The following CDC42SE2 variants were observed in gnomAD, a reference collection of about 807,000 sequenced individuals.
CDC42SE2 encodes the protein CDC42 small effector protein 2.
CDC42SE2 carries 3 observed loss-of-function variants against 11.5 expected under a neutral mutation model. The ratio of observed to expected loss-of-function variants is 0.26; its 90% CI spans 0.12 to 0.67. The LOEUF (loss-of-function observed/expected upper bound fraction) is 0.67. Among genes scored for constraint, CDC42SE2 ranks in the 30% least tolerant of loss-of-function variants. The probability of loss-of-function intolerance (pLI) is 0.80; values close to 1 mark genes in which losing one functional copy is unlikely to be tolerated. For synonymous variants in CDC42SE2, 33 were observed against 34.8 expected, an observed-to-expected ratio of 0.95 and a Z score of 0.18; for missense variants, 82 against 106.8, an observed-to-expected ratio of 0.77 and a Z score of 1.02.
At chr5:131,285,401 C>CTATA (rs1248915055) in intron 1 of CDC42SE2, among the ~76,000 whole-genome samples, 1 of 152,054 alleles carries the variant, frequency 6.6e-6, no homozygotes, top group Non-Finnish European at 1.5e-5. Flanking sequence ...TGTTAATATT[C>CTATA]TATATTGATT....
the CDC42SE2 span, among the ~76,000 whole-genome samples, chr5:131,225,119 G>A: frequency 1.3e-5 from 2 of 152,128 alleles, no homozygotes; most frequent in Non-Finnish European, 2.9e-5. Context: ...AAATCGAAGT[G>A]GTGGCCCAGA....
intron 2 of CDC42SE2, among the ~76,000 whole-genome samples, chr5:131,326,897 C>T (rs1336497209): frequency 6.6e-6 from 1 of 152,074 alleles, no homozygotes; most frequent in Non-Finnish European, 1.5e-5. Context: ...GGCATGAGAC[C>T]ATGGTTGGCC....
chr5:131,275,149 A>T (rs1479273668), intron 1 of CDC42SE2, among the ~76,000 whole-genome samples: 1 of 152,168 alleles, frequency 6.6e-6, no homozygotes, highest in Non-Finnish European at 1.5e-5. Context: ...AATAAAGAAA[A>T]GGAAAACCTG....
intron 2 of CDC42SE2, among the ~76,000 whole-genome samples, chr5:131,334,268 A>G (rs899466001): frequency 6.6e-6 from 1 of 152,148 alleles, no homozygotes; most frequent in Non-Finnish European, 1.5e-5. Flanking sequence ...GATTACGTTT[A>G]TTGATTTGCA....
intron 2 of CDC42SE2, among the ~76,000 whole-genome samples, chr5:131,350,374 A>G (rs1444016167): frequency 1.3e-5 from 2 of 151,974 alleles, no homozygotes; most frequent in East Asian, 3.8e-4. Context: ...TAAACTGTGA[A>G]ATATTACCTA....
intron 1 of CDC42SE2, among the ~76,000 whole-genome samples, chr5:131,304,630 A>G (rs574650024): frequency 1.3e-5 from 2 of 152,330 alleles, no homozygotes; most frequent in African/African-American, 4.8e-5. Context: ...TGAATTAACA[A>G]TGTTGAAATC....
upstream of CDC42SE2, among the ~76,000 whole-genome samples, chr5:131,259,601 G>C (rs979626811): frequency 6.6e-6 from 1 of 152,162 alleles, no homozygotes; most frequent in African/African-American, 2.4e-5. Context: ...CACAGAACTG[G>C]TGGTTTCTTC....
chr5:131,294,378 G>T (rs1440319889), intron 1 of CDC42SE2, among the ~76,000 whole-genome samples: 1 of 152,204 alleles, frequency 6.6e-6, no homozygotes, highest in African/African-American at 2.4e-5. Context: ...GGAAAGGTAT[G>T]TTGTCCCTTT....
intron 2 of CDC42SE2, among the ~76,000 whole-genome samples, chr5:131,349,098 A>G (rs190251206): frequency 7.5e-4 from 114 of 152,304 alleles, no homozygotes; most frequent in South Asian, 6.4e-3. Flanking sequence ...TTCATGACTA[A>G]AACACCAAAA....
intron 1 of CDC42SE2, among the ~76,000 whole-genome samples, chr5:131,304,098 C>A (rs1757735577): frequency 6.6e-6 from 1 of 151,838 alleles, no homozygotes; most frequent in Non-Finnish European, 1.5e-5. Flanking sequence ...TAGCTGGGAC[C>A]ACAGGCATGC....
intron 1 of CDC42SE2, among the ~76,000 whole-genome samples, chr5:131,298,334 C>G (rs1462950205): frequency 6.6e-6 from 1 of 151,662 alleles, no homozygotes; most frequent in East Asian, 1.9e-4. Flanking sequence ...CTTGAACTCC[C>G]GAACTCAGGT....
At chr5:131,311,069 G>A (rs1757897525) in intron 1 of CDC42SE2, among the ~76,000 whole-genome samples, 1 of 151,742 alleles carries the variant, frequency 6.6e-6, no homozygotes, top group Non-Finnish European at 1.5e-5. Context: ...TGATTTTGCA[G>A]CGGCTGGTAC....
intron 1 of CDC42SE2, among the ~76,000 whole-genome samples, chr5:131,266,926 G>A (rs1756877962): frequency 6.9e-6 from 1 of 145,148 alleles, no homozygotes; most frequent in African/African-American, 2.6e-5. Context: ...AGTAAATAAG[G>A]TGTGATGTGT....
At chr5:131,336,234 G>C (rs1359188434) in intron 2 of CDC42SE2, among the ~76,000 whole-genome samples, 1 of 152,148 alleles carries the variant, frequency 6.6e-6, no homozygotes, top group Non-Finnish European at 1.5e-5. Context: ...ATGAAGCTTA[G>C]TTTGGCTGGA....
chr5:131,217,729 A>G, the CDC42SE2 span, among the ~76,000 whole-genome samples: 1 of 152,256 alleles, frequency 6.6e-6, no homozygotes, highest in African/African-American at 2.4e-5. Context: ...CAGTTGAACT[A>G]CATTAAACTT....
chr5:131,277,676 T>A (rs1290964947), intron 1 of CDC42SE2, among the ~76,000 whole-genome samples: 1 of 152,204 alleles, frequency 6.6e-6, no homozygotes, highest in Non-Finnish European at 1.5e-5. Context: ...TTACACTGGT[T>A]GTTTCCTTTG....
upstream of CDC42SE2, among the ~76,000 whole-genome samples, chr5:131,260,973 A>AG (rs1756720313): frequency 1.3e-5 from 2 of 152,260 alleles, no homozygotes; most frequent in Non-Finnish European, 2.9e-5. Flanking sequence ...GTATACTTTT[A>AG]GGGAAAATCC....
chr5:131,317,887 T>A (rs1758073462), intron 2 of CDC42SE2, among the ~76,000 whole-genome samples: 5 of 152,058 alleles, frequency 3.3e-5, no homozygotes, highest in Admixed American at 3.3e-4. Flanking sequence ...CTTGATCGAT[T>A]CTGATGAAAA....
chr5:131,218,966 A>G, the CDC42SE2 span, among the ~76,000 whole-genome samples: 1 of 152,236 alleles, frequency 6.6e-6, no homozygotes, highest in African/African-American at 2.4e-5. Context: ...TATGTCTTAG[A>G]AGCCAAGATA....
Sources: allele counts gnomAD v4.1 joint callset (sites outside exome capture counted in the v4.1 genomes callset), GRCh38; gene constraint gnomAD v4.1.1; transcripts MANE v1.5; gene names NCBI Gene and HGNC (gene_info 2026-07-23, HGNC 2026-07-21).